Variants in LRP2 observed in about 807,000 individuals in gnomAD.
LRP2 encodes LDL receptor related protein 2, also known as low-density lipoprotein receptor-related protein 2.
Under a neutral mutation model 531.0 loss-of-function variants are expected in LRP2, and 172 were observed. The ratio of observed to expected loss-of-function variants is 0.32; its 90% confidence interval spans 0.29 to 0.37. The LOEUF is 0.37. LRP2 is among the 10% of genes least tolerant of loss of function. The pLI is 1.00. For synonymous variants in LRP2, 1,992 were observed against 2,027.6 expected (o/e 0.98, Z 0.47); for missense variants, 5,167 against 5,868.3 (o/e 0.88, Z 3.90).
intron 19 of LRP2, among the ~76,000 whole-genome samples, chr2:169,247,775 T>C (rs577450993): frequency 2.6e-5 from 4 of 152,146 alleles, no homozygotes; most frequent in Non-Finnish European, 4.4e-5. Context: ...TTAGTAGCAA[T>C]TGGATTTAGT....
intron 76 of LRP2, among the ~76,000 whole-genome samples, chr2:169,133,975 G>A (rs982836211): frequency 6.6e-6 from 1 of 152,050 alleles, no homozygotes; most frequent in African/African-American, 2.4e-5. Flanking sequence ...TACCTATTTC[G>A]GCATAATTCT....
At chr2:169,248,833 G>A (rs988515122) in intron 19 of LRP2, among the ~76,000 whole-genome samples, 1 of 127,380 alleles carries the variant, frequency 7.9e-6, no homozygotes, top group African/African-American at 3.2e-5. Flanking sequence ...GAAGCGCAAG[G>A]GGTCAGGGAG....
intron 4 of LRP2, among the ~76,000 whole-genome samples, chr2:169,297,922 T>C (rs1574232052): frequency 6.6e-6 from 1 of 151,960 alleles, no homozygotes; most frequent in Non-Finnish European, 1.5e-5. Context: ...ACCATTATTA[T>C]GAAGAAGGAA....
At chr2:169,355,322 G>A (rs1685959827) in intron 1 of LRP2, among the ~76,000 whole-genome samples, 1 of 152,162 alleles carries the variant, frequency 6.6e-6, no homozygotes, top group Admixed American at 6.5e-5. Flanking sequence ...GCTTTTTCAA[G>A]TGTGTCTTCA....
At chr2:169,340,109 T>C (rs1323655434) in intron 1 of LRP2, among the ~76,000 whole-genome samples, 1 of 152,208 alleles carries the variant, frequency 6.6e-6, no homozygotes, top group Admixed American at 6.5e-5. Context: ...TTTATCCTTC[T>C]TCATATAATA....
chr2:169,262,029 T>C (rs1271525930), intron 16 of LRP2, among the ~76,000 whole-genome samples: 1 of 151,876 alleles, frequency 6.6e-6, no homozygotes, highest in Non-Finnish European at 1.5e-5. Context: ...AAAAGGCCTT[T>C]GACAAAAGTC....
chr2:169,275,705 T>C (rs1683534540), intron 13 of LRP2, among the ~76,000 whole-genome samples: 1 of 152,110 alleles, frequency 6.6e-6, no homozygotes, highest in East Asian at 1.9e-4. Context: ...CAGTGAGTGG[T>C]AGGGTTCAAG....
rs767446999 is a variant in LRP2, at chr2:169,156,425, A to G, written c.12020-20T>C. On this transcript the variant is annotated intron_variant, in intron 64 of 78. Coordinates refer to ENST00000649046, the MANE Select transcript of LRP2 (RefSeq NM_004525.3). ...TGATATCTGTAGGCAAAATAAAACC[A>G]AATACGCAACATCTGTTCCCATCCA... is the stretch of plus-strand genomic sequence containing the variant. The G allele has an allele frequency of 6.2e-7, 1 of 1,613,062 alleles. No homozygotes were observed. Among genetic ancestry groups the G allele is most frequent in the Non-Finnish European group, 8.5e-7 (1 of 1,179,244 alleles).
intron 9 of LRP2, among the ~76,000 whole-genome samples, chr2:169,287,831 AAATATTAAAATTTTAATATTTT>A (rs201276112): frequency 0.22 from 32,610 of 147,556 alleles, 3,836 homozygotes; most frequent in East Asian, 0.38. Context: ...AATAGTTCTA[AAATATTAAAATTTTAATATTTT>A]AATATTAAAA....
chr2:169,194,504 C>T (rs1479890695), intron 46 of LRP2, among the ~76,000 whole-genome samples: 1 of 152,108 alleles, frequency 6.6e-6, no homozygotes, highest in Non-Finnish European at 1.5e-5. Context: ...TCAAATTAGC[C>T]ATCACTGATT....
intron 67 of LRP2, 90 bp from the exon 68 acceptor site, chr2:169,151,116 G>T: frequency 7.2e-7 from 1 of 1,387,106 alleles, no homozygotes; most frequent in Middle Eastern, 2.1e-4. Context: ...ATTTCGTTTG[G>T]CTGGTGAGAC....
chr2:169,182,743 C>T, intron 50 of LRP2: 1 of 421,226 alleles, frequency 2.4e-6, no homozygotes, highest in Non-Finnish European at 3.2e-6. Flanking sequence ...CACAGAGAAA[C>T]TCTGAATTAT....
chr2:169,183,096 G>A (rs537092557), intron 50 of LRP2, among the ~76,000 whole-genome samples: 77 of 152,250 alleles, frequency 5.1e-4, no homozygotes, highest in Non-Finnish European at 9.8e-4. Context: ...ACCTTCCAAA[G>A]GGTTAAATGC....
chr2:169,147,004 C>G (rs1214775997), intron 68 of LRP2, 45 bp from the exon 69 acceptor site: 2 of 1,405,094 alleles, frequency 1.4e-6, no homozygotes, highest in East Asian at 2.4e-5. Context: ...CCTGGTAAGA[C>G]TTCTCCACTA....
In LRP2 at chr2:169,291,661, C is replaced by T. The variant is rs74775934; in HGVS notation, c.769+592G>A. Among the ~76,000 whole-genome samples, 40 of 151,706 alleles carry T rather than the reference C, an allele frequency of 2.6e-4. No homozygotes were observed. In the East Asian group the frequency reaches 7.4e-3, roughly 28 times the overall value. ...AATATCACTGGCAATTTCCTTCTCA[C>T]GGAATCTTTAAGCACTTCCCTGGAT... On this transcript the variant is annotated intron_variant, in intron 7 of 78. Transcript: ENST00000649046.
chr2:169,247,912 G>A (rs1445264795), intron 19 of LRP2, among the ~76,000 whole-genome samples: 1 of 152,202 alleles, frequency 6.6e-6, no homozygotes, highest in East Asian at 1.9e-4. Context: ...ACTACGCTGT[G>A]TGAAGGAGAC....
At chr2:169,243,143 T>C (rs779062795) in intron 23 of LRP2, 71 bp from the exon 24 acceptor site, 1 of 1,297,266 alleles carries the variant, frequency 7.7e-7, no homozygotes, top group South Asian at 1.2e-5. Flanking sequence ...GATTTTTCTT[T>C]TTTGTTGTTA....
chr2:169,206,333 A>C lies in LRP2; in HGVS notation c.7387T>G (p.Ser2463Ala). The C allele has an allele frequency of 1.2e-6, 2 of 1,614,058 alleles. No homozygotes were observed. Among genetic ancestry groups the C allele is most frequent in the Non-Finnish European group, 1.7e-6 (2 of 1,179,978 alleles). The change falls in exon 39 of 79, where the codon TCA (serine) becomes GCA (alanine). Residue 2463 changes from serine (S) to alanine (A), a missense_variant. Ser to Ala is a moderately conservative substitution (Grantham distance 99). This residue lies in a region of LRP2 where 1,129 missense variants were observed against 1,362.7 expected (regional missense o/e 0.83). Transcript: ENST00000649046. ...GCAGCACCTGGAGTGCACTTACCTG[A>C]AGCAATGACAGTTGGAGTATGGATC... ...SGIHTPTVIA[S>A]GIGTADGIAF... is the part of the protein sequence containing the mutation.
rs41268685 is a variant in LRP2, at chr2:169,139,560, C to G, written c.13250G>C (p.Gly4417Ala). 2 of 1,614,152 alleles carry G rather than the reference C, an allele frequency of 1.2e-6. No individual in the cohort carries two copies. Residue 4417 changes from glycine to alanine, a missense_variant, in exon 73 of 79, where the codon GGC (glycine) becomes GCC (alanine). Physicochemically the swap from Gly to Ala is moderately conservative, Grantham distance 60 (BLOSUM62 0). Around this residue, in one of 6 missense-constraint regions of LRP2, gnomAD observed 348 missense variants for 369.3 expected, o/e 0.94. Transcript: ENST00000649046. ...GKYCEMAFSK[G>A]ISPGTTAVAV... ...AAACTTACTTGTTCCTGGAGAGATG[C>G]CTTTTGAAAACGCCATTTCACAATA...
Sources: gnomAD v4.1 joint callset for allele counts (sites outside exome capture counted in the v4.1 genomes callset) on GRCh38, gnomAD v4.1.1 for gene constraint, gnomAD v4.1.1 regional missense constraint, MANE v1.5 for transcripts, NCBI Gene and HGNC (gene_info 2026-07-23, HGNC 2026-07-21) for gene names.